The following RSBN1L variants were observed in gnomAD, a reference collection of about 807,000 sequenced individuals.
RSBN1L encodes lysine-specific demethylase RSBN1L.
In RSBN1L, 30 loss-of-function variants were observed where a neutral mutation model predicts 67.7. The observed-to-expected ratio is 0.44, with a 90% confidence interval of 0.33 to 0.60. The LOEUF is 0.60. Among genes scored for constraint, RSBN1L ranks in the 20% least tolerant of loss-of-function variants. The pLI, the probability that RSBN1L is intolerant of heterozygous loss-of-function variation, is 0.02. For synonymous variants in RSBN1L, 433 were observed against 387.0 expected, an observed-to-expected ratio of 1.12 and a Z score of -1.39; for missense variants, 992 against 1,031.7, an observed-to-expected ratio of 0.96 and a Z score of 0.53.
rs36070602 is a variant in RSBN1L at position 77,701,653 on chromosome 7, C to CTT, written c.586+4613_586+4614dup. 3.4e-4 allele frequency among the ~76,000 whole-genome samples: 43 copies of CTT among 127,890 alleles called. No homozygotes were observed. The East Asian group carries it at 8.0e-3, about 24-fold the overall frequency. The allele number at this position is 127,890 out of a possible 152,430, so 83.9% of individuals were successfully genotyped here. ...CCTTCTGAACTTTCACTGAATTTTA[C>CTT]TTTTTTTTTTTTTTTTGAGATGGAG... On this transcript the variant is annotated intron_variant, in intron 1 of 7. Coordinates refer to ENST00000334955, the MANE Select transcript of RSBN1L (RefSeq NM_198467.3).
intron 3 of RSBN1L, among the ~76,000 whole-genome samples, chr7:77,751,450 T>C (rs967506689): frequency 6.6e-6 from 1 of 152,220 alleles, no homozygotes; most frequent in African/African-American, 2.4e-5. Flanking sequence ...TGGAAAATAA[T>C]TTTTAATGTG....
At chr7:77,744,401 T>C (rs1029049468) in intron 2 of RSBN1L, among the ~76,000 whole-genome samples, 1 of 151,620 alleles carries the variant, frequency 6.6e-6, no homozygotes, top group Non-Finnish European at 1.5e-5. Flanking sequence ...AAATATGATA[T>C]TTTGATAGTT....
intron 1 of RSBN1L, among the ~76,000 whole-genome samples, chr7:77,735,274 ATG>A (rs1156892483): frequency 6.6e-6 from 1 of 152,172 alleles, no homozygotes; most frequent in African/African-American, 2.4e-5. Context: ...TCAAATTGAG[ATG>A]TGTCATAAAT....
At chr7:77,743,469 T>G (rs1184613171) in intron 2 of RSBN1L, among the ~76,000 whole-genome samples, 2 of 151,508 alleles carry the variant, frequency 1.3e-5, no homozygotes, top group Non-Finnish European at 1.5e-5. Flanking sequence ...GTTTTGTTTT[T>G]TTTTTTTTCT....
Position 77,779,204 on chromosome 7 carries a change from A to C in RSBN1L, c.*36A>C. ...ACCATCTAAAATCCTTTTTTAAAAAAATTTAATGTAATAAAGATTCATGAA... is the reference window on the plus strand; with the variant it reads ...ACCATCTAAAATCCTTTTTTAAAAACATTTAATGTAATAAAGATTCATGAA... On this transcript the variant is annotated 3_prime_UTR_variant, in exon 8 of 8. Transcript: ENST00000334955. The C allele has an allele frequency of 7.2e-7, 1 of 1,390,126 alleles. No homozygotes were observed. The highest frequency in any genetic ancestry group is 9.8e-7 in the Non-Finnish European group (1 of 1,023,144). 86.1% of individuals were successfully genotyped at this position (1,390,126 alleles called of 1,614,324 possible).
chr7:77,697,181 T>C, intron 1 of RSBN1L, 126 bp downstream of exon 1: 1 of 1,082,358 alleles, frequency 9.2e-7, no homozygotes, highest in Non-Finnish European at 1.2e-6. Flanking sequence ...CTGGGAGGCG[T>C]CCGGTTTTCA....
Position 77,764,104 on chromosome 7 carries a change from CTG to C in RSBN1L, c.1345-1387_1345-1386del, listed in dbSNP as rs1791731441. Among the ~76,000 whole-genome samples, 2 of 152,090 alleles carry C rather than the reference CTG, an allele frequency of 1.3e-5. 1 individual carries two copies. The highest frequency in any genetic ancestry group is 4.1e-4 in the South Asian group (2 of 4,822). ...TTTTGATGTGACTATCTTTTATAAT[CTG>C]TGTCTGTGATGTGATAAAAGTTGAC... On this transcript the variant is annotated intron_variant, in intron 3 of 7. Coordinates refer to ENST00000334955, the MANE Select transcript of RSBN1L (RefSeq NM_198467.3).
chr7:77,775,132 T>G (rs1285272159), intron 6 of RSBN1L, among the ~76,000 whole-genome samples: 2 of 152,226 alleles, frequency 1.3e-5, no homozygotes. Context: ...TAAAATTTTT[T>G]GTAGAGACAC....
intron 5 of RSBN1L, among the ~76,000 whole-genome samples, chr7:77,772,493 T>C (rs1409105541): frequency 3.9e-5 from 6 of 152,238 alleles, no homozygotes; most frequent in Non-Finnish European, 7.3e-5. Flanking sequence ...ATATGCATTC[T>C]AGAAGGAAAG....
intron 6 of RSBN1L, among the ~76,000 whole-genome samples, chr7:77,775,276 A>G (rs1478172510): frequency 2.6e-5 from 4 of 152,092 alleles, no homozygotes; most frequent in Admixed American, 2.0e-4. Flanking sequence ...GGCTCATGCT[A>G]GTAATCCCAG....
intron 3 of RSBN1L, among the ~76,000 whole-genome samples, chr7:77,755,363 C>T (rs1791603158): frequency 1.3e-5 from 2 of 152,082 alleles, no homozygotes; most frequent in South Asian, 4.1e-4. Context: ...GTTGAAAATG[C>T]ATTTAAAACT....
intron 6 of RSBN1L, among the ~76,000 whole-genome samples, chr7:77,775,881 C>A (rs1791906957): frequency 6.6e-6 from 1 of 152,060 alleles, no homozygotes; most frequent in Non-Finnish European, 1.5e-5. Flanking sequence ...CATGGTGAAA[C>A]CCCATATGTA....
In RSBN1L at chr7:77,779,682, TAA is replaced by T. The variant is rs1286823542; in HGVS notation, c.*516_*517del. The T allele has an allele frequency of 6.6e-6, 1 of 152,250 alleles. No homozygotes were observed. The highest frequency in any genetic ancestry group is 2.4e-5 in the African/African-American group (1 of 41,418). The allele number at this position is 152,250 out of a possible 1,614,324, so 9.4% of individuals were successfully genotyped here. ...ATAAATATGTTTTCTGTTGAGTCTG[TAA>T]AGACAAACTGACAATTCATTTAAGT... is the stretch of plus-strand genomic sequence containing the variant. On this transcript the variant is annotated 3_prime_UTR_variant, in exon 8 of 8. Transcript: ENST00000334955.
chr7:77,760,631 A>G (rs1285253687), intron 3 of RSBN1L, among the ~76,000 whole-genome samples: 1 of 151,946 alleles, frequency 6.6e-6, no homozygotes, highest in Non-Finnish European at 1.5e-5. Context: ...ATTATTTTTT[A>G]TTTAGTTAAC....
chr7:77,775,798 G>C (rs990021024), intron 6 of RSBN1L, among the ~76,000 whole-genome samples: 4 of 152,134 alleles, frequency 2.6e-5, no homozygotes, highest in African/African-American at 9.7e-5. Context: ...GCTCACAACT[G>C]TAATCTCAGC....
At chr7:77,777,437 G>A (rs529965764) in intron 6 of RSBN1L, among the ~76,000 whole-genome samples, 8 of 151,710 alleles carry the variant, frequency 5.3e-5, no homozygotes, top group Non-Finnish European at 1.2e-4. Context: ...CTCGGTGACA[G>A]ATTCAGCTTT....
intron 1 of RSBN1L, among the ~76,000 whole-genome samples, chr7:77,716,072 C>T (rs1791044396): frequency 6.6e-6 from 1 of 152,128 alleles, no homozygotes; most frequent in Non-Finnish European, 1.5e-5. Flanking sequence ...CACAGTTTTT[C>T]ATAGCAGAAA....
chr7:77,777,373 T>C (rs569240945), intron 6 of RSBN1L, among the ~76,000 whole-genome samples: 1 of 152,166 alleles, frequency 6.6e-6, no homozygotes, highest in Non-Finnish European at 1.5e-5. Context: ...CATTTAAGTA[T>C]CATTTTCCTT....
In RSBN1L at chr7:77,696,502, C is replaced by A; in HGVS notation, c.33C>A (p.Val11=). MAEPPSPVHC[V]AAAAPTATVS... is the part of the protein sequence containing the mutation. Reference sequence around the variant, plus strand: ...AACCGCCGAGCCCCGTGCACTGTGTCGCTGCCGCGGCCCCCACCGCCACCG... The same window carrying A: ...AACCGCCGAGCCCCGTGCACTGTGTAGCTGCCGCGGCCCCCACCGCCACCG... Residue 11 remains valine (V), a synonymous_variant, in exon 1 of 8, where the codon GTC becomes GTA. Transcript: ENST00000334955. 2.5e-6 allele frequency: 4 copies of A among 1,613,254 alleles called. No individual in the cohort carries two copies. The highest frequency in any genetic ancestry group is 1.1e-5 in the South Asian group (1 of 91,028).
Sources: gnomAD v4.1 joint callset for allele counts (sites outside exome capture counted in the v4.1 genomes callset) on GRCh38, gnomAD v4.1.1 for gene constraint, MANE v1.5 for transcripts, NCBI Gene and HGNC (gene_info 2026-07-23, HGNC 2026-07-21) for gene names.